The following HTR2C variants were observed in gnomAD, a reference collection of about 807,000 sequenced individuals.
The protein encoded by HTR2C is 5-hydroxytryptamine (serotonin) receptor 2C, G protein-coupled.
HTR2C carries 5 observed loss-of-function variants against 21.0 expected under a neutral mutation model. The observed-to-expected ratio is 0.24, with a 90% confidence interval of 0.12 to 0.50. The LOEUF is 0.50. Ranked by LOEUF, HTR2C falls within the 20% of genes least tolerant of loss-of-function variation. The probability of loss-of-function intolerance (pLI) is 0.98; values close to 1 mark genes in which losing one functional copy is unlikely to be tolerated. For missense variants in HTR2C, 271 were observed against 371.2 expected, an observed-to-expected ratio of 0.73 and a Z score of 2.22; for synonymous variants, 150 against 145.3, an observed-to-expected ratio of 1.03 and a Z score of -0.23.
chrX:114,701,139 A>G (rs942399797), intron 2 of HTR2C, among the ~76,000 whole-genome samples: 1 of 112,333 alleles, frequency 8.9e-6, no homozygotes, highest in Non-Finnish European at 1.9e-5. Flanking sequence ...CAGGGCACAG[A>G]CAAACAAAAA....
At chrX:114,665,437 C>T (rs782097229) in intron 2 of HTR2C, among the ~76,000 whole-genome samples, 2 of 111,732 alleles carry the variant, frequency 1.8e-5, no homozygotes, top group Non-Finnish European at 1.9e-5. Context: ...CCTTGAACAA[C>T]GTGGGTGTTC....
At chrX:114,629,025 A>G (rs782710293) in intron 2 of HTR2C, among the ~76,000 whole-genome samples, 77 of 112,455 alleles carry the variant, frequency 6.8e-4, no homozygotes, top group African/African-American at 2.5e-3. Context: ...CACAATTAAT[A>G]AACAACTAGT....
chrX:114,617,245 T>A (rs909676448), intron 2 of HTR2C, among the ~76,000 whole-genome samples: 6 of 111,360 alleles, frequency 5.4e-5, no homozygotes. Context: ...TCATGACCAG[T>A]CTGGGCAATA....
At chrX:114,769,180 A>G (rs1358455737) in intron 4 of HTR2C, among the ~76,000 whole-genome samples, 1 of 111,700 alleles carries the variant, frequency 9.0e-6, no homozygotes, top group Non-Finnish European at 1.9e-5. Flanking sequence ...TTCAATGACT[A>G]CTACAGCAAA....
At chrX:114,829,564 A>G (rs1426011742) in intron 4 of HTR2C, among the ~76,000 whole-genome samples, 1 of 111,373 alleles carries the variant, frequency 9.0e-6, no homozygotes, top group East Asian at 2.8e-4. Context: ...CAAGGTCACT[A>G]AGATTTACCC....
intron 2 of HTR2C, among the ~76,000 whole-genome samples, chrX:114,707,989 C>G (rs1556418620): frequency 9.0e-6 from 1 of 110,663 alleles, no homozygotes; most frequent in Non-Finnish European, 1.9e-5. Flanking sequence ...GTCTCCCACT[C>G]TTTAATGAAG....
chrX:114,745,570 G>A (rs187009120), intron 4 of HTR2C, among the ~76,000 whole-genome samples: 1 of 112,169 alleles, frequency 8.9e-6, no homozygotes, highest in East Asian at 2.8e-4. Context: ...ACCAACAGAT[G>A]AATGGATAAA....
At chrX:114,603,396 G>A (rs1436219358) in intron 1 of HTR2C, among the ~76,000 whole-genome samples, 2 of 109,274 alleles carry the variant, frequency 1.8e-5, no homozygotes, top group East Asian at 5.9e-4. Context: ...ATGCAGACAT[G>A]AGGGCTAGGC....
intron 2 of HTR2C, among the ~76,000 whole-genome samples, chrX:114,625,944 T>C (rs1178464690): frequency 9.0e-6 from 1 of 111,384 alleles, no homozygotes; most frequent in Non-Finnish European, 1.9e-5. Flanking sequence ...TCATTAAATG[T>C]TATGATATCA....
intron 2 of HTR2C, among the ~76,000 whole-genome samples, chrX:114,679,779 G>T (rs2147854042): frequency 9.0e-6 from 1 of 111,404 alleles, no homozygotes; most frequent in East Asian, 2.8e-4. Flanking sequence ...TCTTGCCCAG[G>T]TTCACAAAAA....
intron 1 of HTR2C, among the ~76,000 whole-genome samples, chrX:114,590,863 TTC>T (rs1303009410): frequency 8.9e-6 from 1 of 112,008 alleles, no homozygotes; most frequent in Admixed American, 9.5e-5. Flanking sequence ...GGCTATAGAA[TTC>T]TCTTTTTATT....
chrX:114,905,310 C>T (rs1171973392), intron 5 of HTR2C, among the ~76,000 whole-genome samples: 1 of 112,020 alleles, frequency 8.9e-6, no homozygotes, highest in Non-Finnish European at 1.9e-5. Flanking sequence ...TTAAAGATCA[C>T]TTTCAAAACA....
At chrX:114,713,101 A>G (rs1932916192) in intron 2 of HTR2C, among the ~76,000 whole-genome samples, 1 of 111,524 alleles carries the variant, frequency 9.0e-6, no homozygotes, top group Non-Finnish European at 1.9e-5. Flanking sequence ...TATTTTAAAA[A>G]CCTTTCAAAC....
chrX:114,703,238 C>CT (rs1932617978), intron 2 of HTR2C, among the ~76,000 whole-genome samples: 3 of 107,191 alleles, frequency 2.8e-5, no homozygotes, highest in Non-Finnish European at 5.8e-5. Flanking sequence ...ACTCTCCACC[C>CT]CAAATCAACA....
intron 1 of HTR2C, among the ~76,000 whole-genome samples, chrX:114,587,410 G>C (rs1300415330): frequency 6.3e-5 from 7 of 111,623 alleles, no homozygotes; most frequent in African/African-American, 2.3e-4. Flanking sequence ...ATACAGCTTA[G>C]TATTGTCTAG....
At chrX:114,784,472 A>G (rs2070153448) in intron 4 of HTR2C, among the ~76,000 whole-genome samples, 1 of 110,381 alleles carries the variant, frequency 9.1e-6, no homozygotes, top group South Asian at 3.9e-4. Flanking sequence ...TCCAAAATCT[A>G]GGTTGGTTCT....
At chrX:114,795,227 T>C (rs1422374717) in intron 4 of HTR2C, among the ~76,000 whole-genome samples, 2 of 111,171 alleles carry the variant, frequency 1.8e-5, no homozygotes, top group Non-Finnish European at 3.8e-5. Context: ...TGGGGTTGTT[T>C]GTTTTTTTCT....
chrX:114,611,245 T>C (rs1420251365), intron 1 of HTR2C, among the ~76,000 whole-genome samples: 2 of 112,215 alleles, frequency 1.8e-5, no homozygotes, highest in African/African-American at 6.5e-5. Flanking sequence ...TAGCAGTTCT[T>C]GGTCCACAAC....
intron 2 of HTR2C, among the ~76,000 whole-genome samples, chrX:114,620,974 G>A (rs1474266182): frequency 8.1e-5 from 9 of 111,477 alleles, no homozygotes; most frequent in Non-Finnish European, 1.1e-4. Flanking sequence ...TCTGTCTCCC[G>A]GGTTCAGGTG....
Sources: gnomAD v4.1 joint callset for allele counts (sites outside exome capture counted in the v4.1 genomes callset) on GRCh38, gnomAD v4.1.1 for gene constraint, MANE v1.5 for transcripts, NCBI Gene and HGNC (gene_info 2026-07-23, HGNC 2026-07-21) for gene names.